Variants in RTTN observed in about 807,000 individuals in gnomAD.
RTTN encodes the protein rotatin.
RTTN carries 182 observed loss-of-function variants against 269.2 expected under a neutral mutation model. The ratio of observed to expected loss-of-function variants is 0.68; its 90% confidence interval spans 0.60 to 0.76. The LOEUF is 0.76. RTTN is among the 30% of genes least tolerant of loss of function. The pLI is 0.00. For synonymous variants in RTTN, 1,006 were observed against 963.5 expected, an observed-to-expected ratio of 1.04 and a Z score of -0.82; for missense variants, 2,545 against 2,608.6, an observed-to-expected ratio of 0.98 and a Z score of 0.53.
intron 24 of RTTN, 99 bp downstream of exon 24, chr18:70,128,259 A>C: frequency 1.1e-6 from 1 of 903,912 alleles, no homozygotes; most frequent in Non-Finnish European, 1.7e-6. Context: ...AGATGATACC[A>C]AGGGAAAAAG....
Position 70,140,776 on chromosome 18 carries a change from T to TA in RTTN, c.2582-589dup, listed in dbSNP as rs199674690. On this transcript the variant is annotated intron_variant, in intron 19 of 48. Transcript: ENST00000640769. ...TAATAAAGAAGTTTTTGTATATACA[T>TA]AAAAAAATCTTATATGTATAGACAT... Among the ~76,000 whole-genome samples the TA allele has an allele frequency of 2.9e-3, 445 of 152,218 alleles. 3 individuals carry two copies. The highest frequency in any genetic ancestry group is 0.01 in the Middle Eastern group (3 of 294).
chr18:70,029,919 A>T, intron 42 of RTTN, 93 bp downstream of exon 42: 1 of 825,554 alleles, frequency 1.2e-6, no homozygotes, highest in South Asian at 1.7e-5. Flanking sequence ...CTTCTAAATG[A>T]GACACTCATT....
intron 4 of RTTN, 74 bp from the exon 5 acceptor site, chr18:70,199,578 T>C: frequency 9.1e-7 from 1 of 1,103,440 alleles, no homozygotes; most frequent in East Asian, 2.5e-5. Context: ...AAGAGTAAGT[T>C]TTCCCTTTAA....
intron 46 of RTTN, among the ~76,000 whole-genome samples, chr18:70,011,313 C>T (rs772418346): frequency 2.0e-5 from 3 of 152,060 alleles, no homozygotes; most frequent in Admixed American, 6.5e-5. Context: ...CCAATATCCC[C>T]GATGAACATC....
chr18:70,053,399 C>T (rs2057730489), intron 38 of RTTN: 1 of 152,078 alleles, frequency 6.6e-6, no homozygotes, highest in Non-Finnish European at 1.5e-5. Flanking sequence ...GGTATCACTG[C>T]CACTTGTTGA....
chr18:70,097,644 C>G (rs1718485726), intron 28 of RTTN, among the ~76,000 whole-genome samples: 1 of 152,218 alleles, frequency 6.6e-6, no homozygotes, highest in African/African-American at 2.4e-5. Flanking sequence ...TTTTTTATAA[C>G]TGCGAAACAT....
chr18:70,128,004 T>C, intron 24 of RTTN: 1 of 458,336 alleles, frequency 2.2e-6, no homozygotes, highest in Admixed American at 3.7e-5. Context: ...ATTAAGATAT[T>C]CAAAAGTAAT....
chr18:70,058,793 C>G (rs948379528), intron 36 of RTTN, among the ~76,000 whole-genome samples: 7 of 140,092 alleles, frequency 5.0e-5, no homozygotes, highest in African/African-American at 1.7e-4. Context: ...CGAGTAGGTA[C>G]AGTAAAAAAA....
rs1387349999 is a variant in RTTN, at chr18:70,190,470, G to A, written c.1189+68C>T. 5.5e-6 allele frequency: 7 copies of A among 1,274,364 alleles called. No homozygotes were observed. In the African/African-American group the frequency reaches 1.0e-4, roughly 19 times the overall value. 78.9% of individuals were successfully genotyped at this position (1,274,364 alleles called of 1,614,324 possible). ...GGCCCTAACATAGAAGAGAAAAAAA[G>A]GAAAATCCTAACGAAATACAAAACA... On this transcript the variant is annotated intron_variant, in intron 9 of 48. Transcript: ENST00000640769.
At chr18:70,030,776 GT>G (rs1427732805) in intron 41 of RTTN, 99 bp downstream of exon 41, 4 of 841,048 alleles carry the variant, frequency 4.8e-6, no homozygotes, top group South Asian at 1.8e-5. Context: ...TATACTATAC[GT>G]TTTTTACATT....
In RTTN at chr18:70,192,683, A is replaced by G. The variant is rs572220457; in HGVS notation, c.1007+605T>C. ...AGACCTTGTCTCAAAAAAAAAAAAA[A>G]AAAAAAGAAAAAAATCTGTATTTAC... On this transcript the variant is annotated intron_variant, in intron 8 of 48. Transcript: ENST00000640769. Among the ~76,000 whole-genome samples the G allele has an allele frequency of 5.0e-4, 76 of 151,854 alleles. 1 individual carries two copies. The highest frequency in any genetic ancestry group is 1.6e-3 in the African/African-American group (68 of 41,484).
chr18:70,199,004 T>A (rs1159467405), intron 5 of RTTN, among the ~76,000 whole-genome samples: 1 of 152,070 alleles, frequency 6.6e-6, no homozygotes, highest in African/African-American at 2.4e-5. Flanking sequence ...TTGGCCAACG[T>A]GGGGAAACCC....
chr18:70,101,211 T>C (rs1008143551), intron 28 of RTTN, among the ~76,000 whole-genome samples: 1 of 152,160 alleles, frequency 6.6e-6, no homozygotes, highest in South Asian at 2.1e-4. Context: ...GGTCCTGGAC[T>C]TTTTTTGGTT....
intron 14 of RTTN, among the ~76,000 whole-genome samples, chr18:70,159,863 T>C (rs1032895533): frequency 6.6e-6 from 1 of 152,044 alleles, no homozygotes; most frequent in Non-Finnish European, 1.5e-5. Context: ...ACTCCCAAGA[T>C]TGGACCAGAA....
At chr18:70,071,575 A>G (rs904086234) in intron 34 of RTTN, among the ~76,000 whole-genome samples, 1 of 152,148 alleles carries the variant, frequency 6.6e-6, no homozygotes, top group Non-Finnish European at 1.5e-5. Context: ...CCAGAGGAGG[A>G]GAATATTGAG....
chr18:70,187,356 G>A (rs2061571246), intron 10 of RTTN, among the ~76,000 whole-genome samples: 1 of 152,010 alleles, frequency 6.6e-6, no homozygotes, highest in Non-Finnish European at 1.5e-5. Context: ...TACATACTTA[G>A]TTGCTTACAT....
chr18:70,171,535 C>T (rs1480814257), intron 11 of RTTN, among the ~76,000 whole-genome samples: 1 of 152,230 alleles, frequency 6.6e-6, no homozygotes, highest in East Asian at 1.9e-4. Flanking sequence ...AAGCCCCATG[C>T]TAATGTCATT....
At chr18:70,078,920 T>A (rs1309048102) in intron 32 of RTTN, among the ~76,000 whole-genome samples, 1 of 152,058 alleles carries the variant, frequency 6.6e-6, no homozygotes, top group Non-Finnish European at 1.5e-5. Flanking sequence ...TCAAAAGATA[T>A]GATGCATGGG....
intron 21 of RTTN, among the ~76,000 whole-genome samples, chr18:70,135,859 A>G (rs369763480): frequency 6.6e-6 from 1 of 152,314 alleles, no homozygotes; most frequent in Non-Finnish European, 1.5e-5. Context: ...ACCACTTACT[A>G]CTTAGCTAAA....
Sources: allele counts gnomAD v4.1 joint callset (sites outside exome capture counted in the v4.1 genomes callset), GRCh38; gene constraint gnomAD v4.1.1; transcripts MANE v1.5; gene names NCBI Gene and HGNC (gene_info 2026-07-23, HGNC 2026-07-21).